The following NRXN3 variants were observed in gnomAD, a reference collection of about 807,000 sequenced individuals.
NRXN3 encodes the protein neurexin 3.
In NRXN3, 32 loss-of-function variants were observed where a neutral mutation model predicts 137.6. The ratio of observed to expected loss-of-function variants is 0.23; its 90% CI spans 0.18 to 0.31. The LOEUF (loss-of-function observed/expected upper bound fraction) is 0.31. Ranked by LOEUF, NRXN3 falls within the 10% of genes least tolerant of loss-of-function variation. NRXN3 has a pLI of 1.00. For missense variants in NRXN3, 1,574 were observed against 2,062.5 expected, an observed-to-expected ratio of 0.76 and a Z score of 4.59; for synonymous variants, 798 against 784.5, an observed-to-expected ratio of 1.02 and a Z score of -0.29.
At chr14:79,580,433 ATG>A (rs2097703493) in intron 16 of NRXN3, among the ~76,000 whole-genome samples, 1 of 132,066 alleles carries the variant, frequency 7.6e-6, no homozygotes, top group Non-Finnish European at 1.5e-5. Flanking sequence ...ACAAAAGATT[ATG>A]TTTTTTTTTT....
chr14:78,420,943 T>G (rs772480903), intron 4 of NRXN3, among the ~76,000 whole-genome samples: 2 of 152,094 alleles, frequency 1.3e-5, no homozygotes, highest in Non-Finnish European at 2.9e-5. Context: ...TTATGAGAGT[T>G]GGAGAGCATG....
chr14:79,380,292 AC>A (rs2094432983), intron 15 of NRXN3, among the ~76,000 whole-genome samples: 1 of 151,342 alleles, frequency 6.6e-6, no homozygotes, highest in South Asian at 2.1e-4. Flanking sequence ...GGTGTGCTGC[AC>A]CCATTAACTC....
chr14:79,648,520 T>G lies in NRXN3; in HGVS notation c.3445-15258T>G, dbSNP rs2098461745. Among the ~76,000 whole-genome samples the G allele has an allele frequency of 1.5e-5, 2 of 135,574 alleles. 1 individual carries two copies. Among genetic ancestry groups the G allele is most frequent in the Non-Finnish European group, 3.4e-5 (2 of 58,320 alleles). 88.9% of individuals were successfully genotyped at this position (135,574 alleles called of 152,430 possible). A position where few individuals can be genotyped will look rare whatever the true frequency, so the allele number is the denominator to read the frequency against. On this transcript the variant is annotated intron_variant, in intron 16 of 20. Transcript: ENST00000335750. Reference sequence around the variant, plus strand: ...TGTGAGCACTCGATCCAGCATAAAGTCTCTGAATTTGTAAGTTCTGTATTA... The same window carrying G: ...TGTGAGCACTCGATCCAGCATAAAGGCTCTGAATTTGTAAGTTCTGTATTA...
chr14:79,759,789 TAAG>T (rs2099032174), intron 19 of NRXN3, among the ~76,000 whole-genome samples: 1 of 151,726 alleles, frequency 6.6e-6, no homozygotes, highest in African/African-American at 2.4e-5. Context: ...GAAACACACA[TAAG>T]AAATTCATTT....
At chr14:79,788,675 G>A (rs752294658) in intron 19 of NRXN3, among the ~76,000 whole-genome samples, 2 of 152,144 alleles carry the variant, frequency 1.3e-5, no homozygotes, top group Non-Finnish European at 2.9e-5. Flanking sequence ...CCTTGATATA[G>A]TTGCCTCTAG....
chr14:79,664,524 C>T (rs1169229199), intron 17 of NRXN3, among the ~76,000 whole-genome samples: 2 of 151,994 alleles, frequency 1.3e-5, no homozygotes, highest in Non-Finnish European at 2.9e-5. Flanking sequence ...AAAGGTTGGT[C>T]CTAGTAGTCA....
At chr14:79,280,108 TTC>T in intron 15 of NRXN3, 4 of 1,408,496 alleles carry the variant, frequency 2.8e-6, no homozygotes, top group Non-Finnish European at 3.7e-6. Flanking sequence ...TCTTTTTTTT[TTC>T]TTTCTTTAAG....
At chr14:79,819,084 T>G (rs1305530212) in intron 20 of NRXN3, among the ~76,000 whole-genome samples, 4 of 152,238 alleles carry the variant, frequency 2.6e-5, no homozygotes, top group African/African-American at 9.6e-5. Context: ...TTGCCCAGTG[T>G]TAAAATTTGT....
At chr14:78,867,189 C>G (rs147471565) in intron 10 of NRXN3, among the ~76,000 whole-genome samples, 53 of 152,258 alleles carry the variant, frequency 3.5e-4, no homozygotes, top group African/African-American at 1.2e-3. Context: ...ACCACCTGCT[C>G]TATCAGTAAG....
At chr14:79,678,534 A>G (rs1274040642) in intron 17 of NRXN3, among the ~76,000 whole-genome samples, 1 of 152,152 alleles carries the variant, frequency 6.6e-6, no homozygotes, top group Non-Finnish European at 1.5e-5. Flanking sequence ...AAATCTTTGG[A>G]CAGCATTCTT....
At chr14:79,793,927 G>A (rs549488811) in intron 19 of NRXN3, among the ~76,000 whole-genome samples, 1 of 152,286 alleles carries the variant, frequency 6.6e-6, no homozygotes, top group South Asian at 2.1e-4. Flanking sequence ...GAGTGGAAAT[G>A]CCATCCAAAA....
chr14:79,611,686 C>T (rs1031997614), intron 16 of NRXN3: 1 of 152,198 alleles, frequency 6.6e-6, no homozygotes, highest in African/African-American at 2.4e-5. Flanking sequence ...CCAGATAGCA[C>T]CAATGATCAT....
intron 15 of NRXN3, among the ~76,000 whole-genome samples, chr14:79,326,458 C>G (rs962542253): frequency 1.3e-5 from 2 of 152,168 alleles, no homozygotes; most frequent in African/African-American, 4.8e-5. Context: ...GGTCTGAATT[C>G]AGAGACATCT....
chr14:79,703,632 GC>G (rs71454886), intron 19 of NRXN3, among the ~76,000 whole-genome samples: 3 of 152,038 alleles, frequency 2.0e-5, no homozygotes, highest in East Asian at 3.9e-4. Context: ...TGGGGAAACT[GC>G]CCCCCTGATC....
intron 15 of NRXN3, among the ~76,000 whole-genome samples, chr14:79,444,570 A>G (rs2096023842): frequency 6.6e-6 from 1 of 152,230 alleles, no homozygotes; most frequent in Non-Finnish European, 1.5e-5. Context: ...CACACTTGCA[A>G]TCCCATTACT....
intron 6 of NRXN3, among the ~76,000 whole-genome samples, chr14:78,684,774 A>G (rs1036239893): frequency 3.9e-5 from 6 of 152,192 alleles, no homozygotes; most frequent in Non-Finnish European, 7.3e-5. Context: ...AGTTTGGGAG[A>G]CAGAGCAAGA....
chr14:78,872,236 A>G (rs1003821334), intron 10 of NRXN3, among the ~76,000 whole-genome samples: 2 of 146,926 alleles, frequency 1.4e-5, no homozygotes, highest in Admixed American at 6.8e-5. Context: ...ATAAATATGT[A>G]TATACATATA....
At chr14:79,469,159 A>G (rs1483202563) in intron 16 of NRXN3, among the ~76,000 whole-genome samples, 1 of 152,156 alleles carries the variant, frequency 6.6e-6, no homozygotes, top group Non-Finnish European at 1.5e-5. Context: ...GTGACTGCCT[A>G]AGAAAAATAT....
At chr14:78,794,640 AATAT>A (rs1440826180) in intron 8 of NRXN3, among the ~76,000 whole-genome samples, 1 of 150,576 alleles carries the variant, frequency 6.6e-6, no homozygotes, top group Non-Finnish European at 1.5e-5. Flanking sequence ...GTGTGTATAT[AATAT>A]ATATATGCTT....
Sources: gnomAD v4.1 joint callset for allele counts (sites outside exome capture counted in the v4.1 genomes callset) on GRCh38, gnomAD v4.1.1 for gene constraint, MANE v1.5 for transcripts, NCBI Gene and HGNC (gene_info 2026-07-23, HGNC 2026-07-21) for gene names.